The following P4HA2 variants were observed in gnomAD, a reference collection of about 807,000 sequenced individuals.
P4HA2 encodes prolyl 4-hydroxylase subunit alpha 2, also known as prolyl 4-hydroxylase subunit alpha-2.
P4HA2 carries 46 observed loss-of-function variants against 76.9 expected under a neutral mutation model. The ratio of observed to expected loss-of-function variants is 0.60; its 90% CI spans 0.47 to 0.76. The LOEUF is 0.76. Ranked by LOEUF, P4HA2 falls within the 30% of genes least tolerant of loss-of-function variation. The pLI, the probability that P4HA2 is intolerant of heterozygous loss-of-function variation, is 0.00. For missense variants in P4HA2, 583 were observed against 669.4 expected (o/e 0.87, Z 1.42); for synonymous variants, 243 against 254.0 (o/e 0.96, Z 0.41).
intron 10 of P4HA2, chr5:132,202,485 G>T (rs946420750): frequency 6.6e-6 from 1 of 152,288 alleles, no homozygotes; most frequent in South Asian, 2.1e-4. Flanking sequence ...TAAAGGTAAA[G>T]GCTGCTATCT....
At chr5:132,213,409 C>G (rs941481147) in intron 5 of P4HA2, among the ~76,000 whole-genome samples, 1 of 152,052 alleles carries the variant, frequency 6.6e-6, no homozygotes, top group Non-Finnish European at 1.5e-5. Context: ...AGCAAAGACT[C>G]GAAAGACTCT....
intron 8 of P4HA2, 87 bp downstream of exon 8, chr5:132,207,620 TG>T: frequency 8.7e-7 from 1 of 1,144,718 alleles, no homozygotes; most frequent in Non-Finnish European, 1.3e-6. Context: ...GGTGGCTAGA[TG>T]GGCAAACCAA....
At chr5:132,198,002 G>A (rs1179823886) in intron 12 of P4HA2, 5 of 985,180 alleles carry the variant, frequency 5.1e-6, no homozygotes, top group Non-Finnish European at 4.8e-6. Context: ...AGCCAGGAAT[G>A]TTAAAGTCCT....
intron 6 of P4HA2, among the ~76,000 whole-genome samples, chr5:132,209,789 A>AAAAAAG (rs1752810530): frequency 1.3e-5 from 2 of 150,744 alleles, no homozygotes; most frequent in Non-Finnish European, 3.0e-5. Context: ...AAAAAAAAAA[A>AAAAAAG]GGTAGATGAG....
At chr5:132,225,156 G>T (rs1755199499) in intron 1 of P4HA2, among the ~76,000 whole-genome samples, 1 of 151,876 alleles carries the variant, frequency 6.6e-6, no homozygotes, top group South Asian at 2.1e-4. Context: ...AGGACAGGCT[G>T]ATGTCTTACC....
chr5:132,210,004 T>C (rs1051438267), intron 6 of P4HA2, among the ~76,000 whole-genome samples: 2 of 152,166 alleles, frequency 1.3e-5, no homozygotes, highest in Non-Finnish European at 2.9e-5. Flanking sequence ...TCCTGCATGG[T>C]GACAGATACA....
intron 10 of P4HA2, 109 bp downstream of exon 10, chr5:132,203,639 G>A (rs1751804953): frequency 1.4e-6 from 1 of 704,986 alleles, no homozygotes; most frequent in Non-Finnish European, 2.6e-6. Flanking sequence ...ATAGCATCAG[G>A]CAGTAGTCAT....
rs189312989 is a variant in P4HA2 at position 132,222,598 on chromosome 5, G to A, written c.-18-3954C>T. 2.1e-4 allele frequency among the ~76,000 whole-genome samples: 32 copies of A among 152,340 alleles called. 1 individual carries two copies. The East Asian group carries it at 5.0e-3, about 24-fold the overall frequency. On this transcript the variant is annotated intron_variant, in intron 1 of 14. Transcript: ENST00000360568. ...TAAAGTTCAAACTCTTTAGCCCAAAGGGTCCTTTTGAGTGTGTGACCAGGC... is the reference window on the plus strand; with the variant it reads ...TAAAGTTCAAACTCTTTAGCCCAAAAGGTCCTTTTGAGTGTGTGACCAGGC...
At chr5:132,208,062 C>T (rs530384614) in intron 7 of P4HA2, among the ~76,000 whole-genome samples, 178 bp from the exon 8 acceptor site, 35 of 151,958 alleles carry the variant, frequency 2.3e-4, no homozygotes, top group South Asian at 1.0e-3. Context: ...GCCTGTAATC[C>T]GAGAACTCTG....
At chr5:132,210,631 C>T in intron 5 of P4HA2, 108 bp from the exon 6 acceptor site, 1 of 1,071,786 alleles carries the variant, frequency 9.3e-7, no homozygotes, top group Non-Finnish European at 1.4e-6. Context: ...CATCACCAAG[C>T]AGAACTCCAT....
rs114144668 is a variant in P4HA2 at position 132,217,381 on chromosome 5, G to A, written c.180-33C>T. The A allele has an allele frequency of 4.0e-4, 651 of 1,610,712 alleles. 2 individuals carry two copies. In the African/African-American group the frequency reaches 8.0e-3, roughly 20 times the overall value. On this transcript the variant is annotated intron_variant, in intron 3 of 14. Coordinates refer to ENST00000360568, the MANE Select transcript of P4HA2 (RefSeq NM_001017974.2). ...ACCAGAGGAAAAGGAAGACTAATGC[G>A]TCCACCCACATAGGTCTTGACCTGT...
At chr5:132,197,890 T>C (rs1456839854) in intron 12 of P4HA2, 1 of 432,174 alleles carries the variant, frequency 2.3e-6, no homozygotes, top group East Asian at 1.6e-4. Context: ...ACTATGAATG[T>C]ATTTAATACC....
At chr5:132,219,245 G>A (rs777569010) in intron 1 of P4HA2, among the ~76,000 whole-genome samples, 6 of 152,252 alleles carry the variant, frequency 3.9e-5, no homozygotes, top group Non-Finnish European at 8.8e-5. Flanking sequence ...AGCAGTCAGA[G>A]GAGACAGTCT....
intron 9 of P4HA2, 34 bp downstream of exon 9, chr5:132,204,048 C>T (rs200385604): frequency 9.0e-6 from 14 of 1,562,830 alleles, no homozygotes; most frequent in African/African-American, 1.4e-5. Flanking sequence ...GAAGTTGGGG[C>T]TTGAGCAGCT....
At chr5:132,224,935 G>A (rs763810473) in intron 1 of P4HA2, among the ~76,000 whole-genome samples, 2 of 151,118 alleles carry the variant, frequency 1.3e-5, no homozygotes, top group Non-Finnish European at 2.9e-5. Context: ...CTGAGCTGGA[G>A]AGCACTCTAC....
At chr5:132,197,288 C>T (rs975059747) in intron 12 of P4HA2, among the ~76,000 whole-genome samples, 2 of 152,130 alleles carry the variant, frequency 1.3e-5, no homozygotes, top group African/African-American at 4.8e-5. Flanking sequence ...TCCCAAAAGT[C>T]CAGACTAGCA....
At chr5:132,219,146 TAC>T (rs1036347115) in intron 1 of P4HA2, among the ~76,000 whole-genome samples, 44 of 151,952 alleles carry the variant, frequency 2.9e-4, no homozygotes, top group Non-Finnish European at 5.7e-4. Context: ...TCCTCCAGAG[TAC>T]CAACACCCAA....
At chr5:132,225,462 G>A (rs1032129735) in intron 1 of P4HA2, among the ~76,000 whole-genome samples, 1 of 152,168 alleles carries the variant, frequency 6.6e-6, no homozygotes, top group Non-Finnish European at 1.5e-5. Context: ...TAGGAAATGA[G>A]GAGACCCTAG....
At chr5:132,221,720 A>G (rs1007268143) in intron 1 of P4HA2, among the ~76,000 whole-genome samples, 1 of 152,198 alleles carries the variant, frequency 6.6e-6, no homozygotes, top group Admixed American at 6.5e-5. Flanking sequence ...GAAATTCTAT[A>G]GCAATTTTTA....
Sources: gnomAD v4.1 joint callset for allele counts (sites outside exome capture counted in the v4.1 genomes callset) on GRCh38, gnomAD v4.1.1 for gene constraint, MANE v1.5 for transcripts, NCBI Gene and HGNC (gene_info 2026-07-23, HGNC 2026-07-21) for gene names.